The following SLIT3 variants were observed in gnomAD, a reference collection of about 807,000 sequenced individuals.
SLIT3 encodes the protein slit guidance ligand 3.
Under a neutral mutation model 184.0 loss-of-function variants are expected in SLIT3, and 68 were observed. The ratio of observed to expected loss-of-function variants is 0.37; its 90% CI spans 0.30 to 0.45. The LOEUF is 0.45. SLIT3 is among the 20% of genes least tolerant of loss of function. The probability of loss-of-function intolerance (pLI) is 1.00; values close to 1 mark genes in which losing one functional copy is unlikely to be tolerated. For synonymous variants in SLIT3, 831 were observed against 828.6 expected (o/e 1.00, Z -0.05); for missense variants, 1,707 against 2,026.0 (o/e 0.84, Z 3.02).
intron 5 of SLIT3, among the ~76,000 whole-genome samples, chr5:168,874,911 G>A (rs749373163): frequency 5.9e-5 from 9 of 152,316 alleles, no homozygotes; most frequent in Non-Finnish European, 1.0e-4. Context: ...TGCTTGCTGT[G>A]CATGTCTCCC....
chr5:169,035,167 C>A (rs1295173338), intron 4 of SLIT3, among the ~76,000 whole-genome samples: 2 of 152,002 alleles, frequency 1.3e-5, no homozygotes, highest in Admixed American at 6.6e-5. Flanking sequence ...TAGGATTAGA[C>A]AAATATTGTG....
At chr5:168,748,817 T>C (rs1446739414) in intron 19 of SLIT3, among the ~76,000 whole-genome samples, 1 of 152,146 alleles carries the variant, frequency 6.6e-6, no homozygotes, top group Non-Finnish European at 1.5e-5. Flanking sequence ...GGGTGTTGAG[T>C]ATGTCCCAAG....
At chr5:168,782,846 C>A (rs1412962548) in intron 12 of SLIT3, among the ~76,000 whole-genome samples, 2 of 152,134 alleles carry the variant, frequency 1.3e-5, no homozygotes, top group East Asian at 3.9e-4. Context: ...TAGTAATAAA[C>A]AATAAATGCG....
intron 2 of SLIT3, among the ~76,000 whole-genome samples, chr5:169,247,456 T>C (rs995244190): frequency 1.3e-5 from 2 of 152,010 alleles, no homozygotes; most frequent in Non-Finnish European, 2.9e-5. Context: ...AACTCTAGGG[T>C]ATTGTAAGTA....
intron 4 of SLIT3, among the ~76,000 whole-genome samples, chr5:168,900,921 A>C (rs149025238): frequency 2.0e-3 from 312 of 152,336 alleles, no homozygotes; most frequent in African/African-American, 7.1e-3. Context: ...ACACATGGAC[A>C]TAGAGGAGAA....
At chr5:169,180,037 T>C (rs1455158597) in intron 4 of SLIT3, among the ~76,000 whole-genome samples, 2 of 152,086 alleles carry the variant, frequency 1.3e-5, no homozygotes, top group Non-Finnish European at 2.9e-5. Flanking sequence ...TAGTGATAAG[T>C]GCTATGAAGA....
intron 33 of SLIT3, among the ~76,000 whole-genome samples, chr5:168,671,763 AGAT>A (rs1220236370): frequency 2.0e-5 from 3 of 152,194 alleles, no homozygotes; most frequent in Admixed American, 6.5e-5. Flanking sequence ...AGAAAAAATG[AGAT>A]GATCTGGTCA....
intron 4 of SLIT3, among the ~76,000 whole-genome samples, chr5:168,898,573 CT>C (rs1157118056): frequency 2.0e-5 from 3 of 151,956 alleles, no homozygotes; most frequent in Admixed American, 2.0e-4. Flanking sequence ...GTTATAATAG[CT>C]TTTTTGGCCA....
chr5:168,907,979 T>TATATAGAGAGAGAGAG (rs376418381), intron 4 of SLIT3, among the ~76,000 whole-genome samples: 15 of 50,074 alleles, frequency 3.0e-4, no homozygotes, highest in African/African-American at 1.3e-3. Flanking sequence ...TATATATATA[T>TATATAGAGAGAGAGAG]AGAGAGAGAG....
At position 169,089,111 on chromosome 5, in the gene SLIT3, G is replaced by A. The variant is rs185659276; in HGVS notation, c.413+104368C>T. On this transcript the variant is annotated intron_variant, in intron 4 of 35. Coordinates refer to ENST00000519560, the MANE Select transcript of SLIT3 (RefSeq NM_003062.4). ...GGCCAGGGAATCTGTGTTTCATACC[G>A]ATGTGCCTAGGATTCTGATGCAGCA... is the stretch of plus-strand genomic sequence containing the variant. Among the ~76,000 whole-genome samples the A allele has an allele frequency of 2.4e-4, 35 of 143,048 alleles. No individual in the cohort carries two copies. In the East Asian group the frequency reaches 6.1e-3, roughly 25 times the overall value. The allele number at this position is 143,048 out of a possible 152,430, so 93.8% of individuals were successfully genotyped here.
rs538570460 is a variant in SLIT3, at chr5:169,033,058, C to T, written c.414-149722G>A. Among the ~76,000 whole-genome samples the T allele has an allele frequency of 4.0e-5, 6 of 151,420 alleles. No homozygotes were observed. The South Asian group carries it at 6.3e-4, about 16-fold the overall frequency. ...TACATTAGGTCTCCAGACCTGGCCA[C>T]CCTCCCTACTTAATACAGACCTCCA... On this transcript the variant is annotated intron_variant, in intron 4 of 35. Coordinates refer to ENST00000519560, the MANE Select transcript of SLIT3 (RefSeq NM_003062.4).
chr5:168,723,016 A>G lies in SLIT3; in HGVS notation c.2340-12T>C. ...TGTTGCTCAGGTCACTAGGAAAAGT[A>G]AAACAGAGGGGTCATGCTTTTGTCT... On this transcript the variant is annotated splice_polypyrimidine_tract_variant and intron_variant, in intron 21 of 35. Transcript: ENST00000519560. 3.1e-6 allele frequency: 5 copies of G among 1,608,940 alleles called. No individual in the cohort carries two copies. The highest frequency in any genetic ancestry group is 4.3e-6 in the Non-Finnish European group (5 of 1,175,244).
intron 4 of SLIT3, among the ~76,000 whole-genome samples, chr5:169,064,120 A>G (rs944876068): frequency 1.3e-5 from 2 of 152,188 alleles, no homozygotes; most frequent in Middle Eastern, 3.2e-3. Context: ...GCTTGGTGCC[A>G]GAAAATTGGA....
At chr5:168,771,510 C>A (rs968624196) in intron 14 of SLIT3, among the ~76,000 whole-genome samples, 1 of 152,150 alleles carries the variant, frequency 6.6e-6, no homozygotes, top group African/African-American at 2.4e-5. Flanking sequence ...GAGCAAAGGG[C>A]TCTCCTACTG....
chr5:169,194,036 A>G (rs1000511815), intron 3 of SLIT3, among the ~76,000 whole-genome samples: 32 of 152,070 alleles, frequency 2.1e-4, no homozygotes, highest in Non-Finnish European at 4.4e-5. Context: ...GATCGAGACC[A>G]TCATTGGGCA....
intron 4 of SLIT3, among the ~76,000 whole-genome samples, chr5:168,903,870 T>C (rs1303677005): frequency 6.6e-6 from 1 of 152,214 alleles, no homozygotes; most frequent in Non-Finnish European, 1.5e-5. Flanking sequence ...GGCATTTCCA[T>C]AAAACCTTGA....
intron 6 of SLIT3, among the ~76,000 whole-genome samples, chr5:168,824,091 G>C (rs1333346053): frequency 6.6e-6 from 1 of 152,126 alleles, no homozygotes; most frequent in Non-Finnish European, 1.5e-5. Flanking sequence ...TGGAATTACA[G>C]GCGCCTGACT....
chr5:168,688,288 A>C (rs766076318), intron 29 of SLIT3, among the ~76,000 whole-genome samples: 3 of 152,138 alleles, frequency 2.0e-5, no homozygotes, highest in African/African-American at 4.8e-5. Flanking sequence ...TCAGAGGAGG[A>C]GGCGGCATGG....
chr5:168,969,089 A>G (rs1376081126), intron 4 of SLIT3, among the ~76,000 whole-genome samples: 2 of 152,204 alleles, frequency 1.3e-5, no homozygotes, highest in East Asian at 3.9e-4. Flanking sequence ...TAATAATAAT[A>G]ATTAATCATT....
Sources: allele counts gnomAD v4.1 joint callset (sites outside exome capture counted in the v4.1 genomes callset), GRCh38; gene constraint gnomAD v4.1.1; transcripts MANE v1.5; gene names NCBI Gene and HGNC (gene_info 2026-07-23, HGNC 2026-07-21).